Variants in CSMD1 observed in about 807,000 individuals in gnomAD.
The protein encoded by CSMD1 is CUB and sushi domain-containing protein 1.
CSMD1 carries 213 observed loss-of-function variants against 417.5 expected under a neutral mutation model. The ratio of observed to expected loss-of-function variants is 0.51; its 90% CI spans 0.46 to 0.57. CSMD1 has a LOEUF of 0.57. Among genes scored for constraint, CSMD1 ranks in the 20% least tolerant of loss-of-function variants. The pLI, the probability that CSMD1 is intolerant of heterozygous loss-of-function variation, is 0.00. For missense variants in CSMD1, 6,923 were observed against 4,529.7 expected (o/e 1.53, Z -15.17); for synonymous variants, 2,862 against 1,736.8 (o/e 1.65, Z -16.11).
intron 4 of CSMD1, among the ~76,000 whole-genome samples, chr8:4,008,573 A>G (rs1281601128): frequency 7.1e-6 from 1 of 141,818 alleles, no homozygotes; most frequent in African/African-American, 2.6e-5. Flanking sequence ...CACACAACAC[A>G]TGATTCAGTA....
chr8:4,871,914 G>C (rs941553124), intron 1 of CSMD1, among the ~76,000 whole-genome samples: 5 of 152,034 alleles, frequency 3.3e-5, no homozygotes, highest in Admixed American at 3.3e-4. Flanking sequence ...TCTGTACTCT[G>C]TCTCTGGTTT....
chr8:3,713,428 C>G (rs947756701), intron 6 of CSMD1, among the ~76,000 whole-genome samples: 4 of 152,148 alleles, frequency 2.6e-5, no homozygotes, highest in Non-Finnish European at 4.4e-5. Context: ...TCTGCCCTCT[C>G]TAGCTGGAGC....
chr8:3,381,704 T>G (rs552935932), intron 18 of CSMD1, among the ~76,000 whole-genome samples: 1 of 152,240 alleles, frequency 6.6e-6, no homozygotes, highest in South Asian at 2.1e-4. Flanking sequence ...TTACTAGAGT[T>G]CCAATTACAA....
chr8:2,992,196 CAT>C (rs1479176217), intron 54 of CSMD1, among the ~76,000 whole-genome samples: 1 of 89,666 alleles, frequency 1.1e-5, no homozygotes, highest in Non-Finnish European at 2.0e-5. Context: ...CACATGCACA[CAT>C]ACATACACAC....
intron 5 of CSMD1, among the ~76,000 whole-genome samples, chr8:3,982,355 G>C (rs1270355843): frequency 1.3e-5 from 2 of 151,590 alleles, no homozygotes; most frequent in East Asian, 1.9e-4. Context: ...TGCAAAATGA[G>C]GATAATCCTT....
chr8:3,678,438 T>G (rs929742067), intron 7 of CSMD1, among the ~76,000 whole-genome samples: 2 of 152,108 alleles, frequency 1.3e-5, no homozygotes, highest in Admixed American at 1.3e-4. Context: ...AGGGTATCAG[T>G]GACTGAAGAT....
intron 2 of CSMD1, among the ~76,000 whole-genome samples, chr8:4,591,803 G>T (rs561391426): frequency 1.3e-5 from 2 of 152,160 alleles, no homozygotes; most frequent in Non-Finnish European, 2.9e-5. Flanking sequence ...TCAGCAATGA[G>T]GCAGTGGCTA....
chr8:3,841,570 C>A (rs571368791), intron 5 of CSMD1, among the ~76,000 whole-genome samples: 3 of 151,968 alleles, frequency 2.0e-5, no homozygotes, highest in Non-Finnish European at 4.4e-5. Flanking sequence ...AATTGTTTAT[C>A]ACAAAATCAC....
chr8:3,660,573 T>G (rs1310979951), intron 7 of CSMD1, among the ~76,000 whole-genome samples: 38 of 114,100 alleles, frequency 3.3e-4, no homozygotes, highest in South Asian at 9.8e-4. Flanking sequence ...CAGGCAAGAG[T>G]GCAGTGGTGC....
chr8:3,223,423 T>C (rs1396563519), intron 28 of CSMD1, among the ~76,000 whole-genome samples: 7 of 152,222 alleles, frequency 4.6e-5, no homozygotes, highest in Admixed American at 3.9e-4. Context: ...TTACACCAAA[T>C]GTCTCCATAC....
At chr8:3,506,479 A>T (rs925456684) in intron 10 of CSMD1, among the ~76,000 whole-genome samples, 1 of 152,174 alleles carries the variant, frequency 6.6e-6, no homozygotes, top group African/African-American at 2.4e-5. Context: ...AAGGGGGAAT[A>T]AGTTACTTCC....
chr8:4,574,035 C>G (rs1799015709), intron 2 of CSMD1, among the ~76,000 whole-genome samples: 1 of 152,162 alleles, frequency 6.6e-6, no homozygotes, highest in African/African-American at 2.4e-5. Context: ...GAATTCCCAG[C>G]CAGTGAATCT....
At chr8:4,502,853 G>C (rs1802327738) in intron 2 of CSMD1, among the ~76,000 whole-genome samples, 1 of 152,040 alleles carries the variant, frequency 6.6e-6, no homozygotes, top group Non-Finnish European at 1.5e-5. Context: ...TAGGTACTCA[G>C]TTTTTCTTTT....
chr8:4,360,802 T>C (rs550731220), intron 3 of CSMD1, among the ~76,000 whole-genome samples: 1 of 151,588 alleles, frequency 6.6e-6, no homozygotes, highest in Admixed American at 6.6e-5. Flanking sequence ...CCCCTCGGGG[T>C]TCGTAATCTC....
intron 5 of CSMD1, among the ~76,000 whole-genome samples, chr8:3,962,458 G>T (rs567579993): frequency 1.3e-5 from 2 of 152,114 alleles, no homozygotes; most frequent in East Asian, 1.9e-4. Context: ...AGGGAGCATG[G>T]ATCTCCTTGG....
At chr8:3,020,367 C>T (rs1809262386) in intron 51 of CSMD1, among the ~76,000 whole-genome samples, 1 of 152,016 alleles carries the variant, frequency 6.6e-6, no homozygotes, top group African/African-American at 2.4e-5. Context: ...AAAACCAGCC[C>T]TTTTGTTGTT....
At position 3,106,558 on chromosome 8, in the gene CSMD1, G is replaced by A; in HGVS notation, c.6919C>T (p.Gln2307Ter). 1.9e-6 allele frequency: 3 copies of A among 1,613,666 alleles called. No individual in the cohort carries two copies. The highest frequency in any genetic ancestry group is 2.5e-6 in the Non-Finnish European group (3 of 1,179,672). The change falls in exon 46 of 70, where the codon CAG (glutamine) becomes TAG (stop). Residue 2307 changes from glutamine (Q) to a stop codon, truncating the protein, a stop_gained. Transcript: ENST00000635120. LOFTEE classifies it high-confidence loss of function. Reference sequence around the variant, plus strand: ...CATGTTGGGAGAGAACCCTCAAACTGCAACTGGGAACTGAGCTTGCAAGTC... The same window carrying A: ...CATGTTGGGAGAGAACCCTCAAACTACAACTGGGAACTGAGCTTGCAAGTC... ...ILTCKLSSQL[Q>*]FEGSLPTCEA...
At chr8:3,042,980 A>G (rs13249401) in intron 50 of CSMD1, among the ~76,000 whole-genome samples, 2 of 151,666 alleles carry the variant, frequency 1.3e-5, no homozygotes, top group Admixed American at 6.6e-5. Flanking sequence ...ATTATATAGT[A>G]CCATAGGTCA....
rs541908268 is a variant in CSMD1 at position 3,414,554 on chromosome 8, C to T, written c.1562-4949G>A. Among the ~76,000 whole-genome samples, 6 of 152,242 alleles carry T rather than the reference C, an allele frequency of 3.9e-5. No homozygotes were observed. In the South Asian group the frequency reaches 8.3e-4, roughly 21 times the overall value. ...ATGCTGCATCCCATTTTCTGTGTTG[C>T]AGCCAAACTATTTTCTCAAACTCCA... On this transcript the variant is annotated intron_variant, in intron 12 of 69. Transcript: ENST00000635120.
Sources: allele counts gnomAD v4.1 joint callset (sites outside exome capture counted in the v4.1 genomes callset), GRCh38; gene constraint gnomAD v4.1.1; transcripts MANE v1.5; gene names NCBI Gene and HGNC (gene_info 2026-07-23, HGNC 2026-07-21).